SYNPO2: variants seen among roughly 807,000 people sequenced by gnomAD.
SYNPO2 encodes the protein synaptopodin-2.
A neutral mutation model predicts 85.0 loss-of-function variants in SYNPO2; 56 were observed. The ratio of observed to expected loss-of-function variants is 0.66; its 90% CI spans 0.53 to 0.82. The LOEUF is 0.82. Among genes scored for constraint, SYNPO2 ranks in the 40% least tolerant of loss-of-function variants. The pLI is 0.00. For synonymous variants in SYNPO2, 602 were observed against 591.1 expected (o/e 1.02, Z -0.27); for missense variants, 1,575 against 1,534.2 (o/e 1.03, Z -0.44).
At chr4:118,949,639 C>T (rs913658482) in intron 1 of SYNPO2, among the ~76,000 whole-genome samples, 84 of 151,628 alleles carry the variant, frequency 5.5e-4, no homozygotes, top group African/African-American at 1.9e-3. Context: ...ATCCCAGCTA[C>T]TCGGGAGGCT....
intron 3 of SYNPO2, 83 bp from the exon 4 acceptor site, chr4:119,029,762 A>G (rs1738131120): frequency 1.4e-6 from 2 of 1,419,866 alleles, no homozygotes; most frequent in Admixed American, 2.4e-5. Flanking sequence ...ATTTTCCCCC[A>G]GGAGAGTTCA....
intron 1 of SYNPO2, among the ~76,000 whole-genome samples, chr4:118,898,941 A>G (rs1341310328): frequency 6.6e-6 from 1 of 152,124 alleles, no homozygotes; most frequent in Non-Finnish European, 1.5e-5. Context: ...CCTTCCCTAA[A>G]ATGCTTGGAG....
intron 1 of SYNPO2, among the ~76,000 whole-genome samples, chr4:118,996,070 G>A (rs575515686): frequency 6.6e-6 from 1 of 152,006 alleles, no homozygotes; most frequent in Non-Finnish European, 1.5e-5. Context: ...TCCATTATGC[G>A]GCATACACAA....
chr4:118,930,916 T>TAA (rs1733909906), intron 1 of SYNPO2, among the ~76,000 whole-genome samples: 1 of 66,844 alleles, frequency 1.5e-5, no homozygotes, highest in African/African-American at 5.0e-5. Context: ...CTACCTTGCC[T>TAA]CAAAAAAAAA....
intron 1 of SYNPO2, among the ~76,000 whole-genome samples, chr4:118,937,685 A>G (rs1734154857): frequency 6.6e-6 from 1 of 152,182 alleles, no homozygotes; most frequent in East Asian, 1.9e-4. Context: ...TAAAGAAAAA[A>G]AAATATAACT....
intron 1 of SYNPO2, among the ~76,000 whole-genome samples, chr4:118,922,138 G>A (rs1733561044): frequency 6.6e-6 from 1 of 152,098 alleles, no homozygotes; most frequent in South Asian, 2.1e-4. Flanking sequence ...AGGCAAGCTT[G>A]CATAAAAAAT....
intron 1 of SYNPO2, among the ~76,000 whole-genome samples, chr4:118,982,036 C>T (rs1209367093): frequency 6.6e-6 from 1 of 152,046 alleles, no homozygotes; most frequent in Non-Finnish European, 1.5e-5. Context: ...AAATATGCAG[C>T]GTGGGTGTCA....
At chr4:119,036,523 C>T (rs1194870803) in intron 4 of SYNPO2, 1 of 985,294 alleles carries the variant, frequency 1.0e-6, no homozygotes, top group East Asian at 1.1e-4. Context: ...CCAAGGGCCA[C>T]AAAGCAGGCT....
intron 1 of SYNPO2, among the ~76,000 whole-genome samples, chr4:118,921,720 A>C (rs997469086): frequency 1.3e-5 from 2 of 151,970 alleles, no homozygotes; most frequent in African/African-American, 4.8e-5. Flanking sequence ...TTATCTTTCT[A>C]TTGCCACTTA....
chr4:119,027,189 A>C lies in SYNPO2; in HGVS notation c.820A>C (p.Ser274Arg). ...CAGAGAGTTGAGAGTGATCCAGGAA[A>C]GTGAAGCAGGAGATGCGGGACTGCC... ...SGRELRVIQE[S>R]EAGDAGLPRV... Residue 274 changes from serine to arginine, a missense_variant, in exon 3 of 5, where the codon AGT (serine) becomes CGT (arginine). Around this residue, in one of 3 missense-constraint regions of SYNPO2, gnomAD observed 1,508 missense variants for 1,446.8 expected, o/e 1.04. Transcript: ENST00000307142. 1.2e-6 allele frequency: 2 copies of C among 1,614,166 alleles called. No individual in the cohort carries two copies. The highest frequency in any genetic ancestry group is 1.7e-6 in the Non-Finnish European group (2 of 1,180,030).
At position 118,859,166 on chromosome 4, in the gene SYNPO2, A is replaced by G. The variant is rs921351410; in HGVS notation, c.12+8226A>G. On this transcript the variant is annotated intron_variant, in intron 1 of 4. Coordinates refer to the SYNPO2 transcript ENST00000610556. ...AGTATCAATGTGCTAAATCAACAGC[A>G]AATTTCCATACATCCTTTGTGTCGA... Among the ~76,000 whole-genome samples the G allele has an allele frequency of 7.2e-5, 11 of 152,352 alleles. No homozygotes were observed. The East Asian group carries it at 2.1e-3, about 29-fold the overall frequency.
intron 1 of SYNPO2, among the ~76,000 whole-genome samples, chr4:118,899,817 A>G (rs1379135804): frequency 2.0e-5 from 3 of 152,122 alleles, no homozygotes; most frequent in African/African-American, 7.2e-5. Context: ...CCTGGAGCGC[A>G]ATGGTGCCAT....
At chr4:119,050,042 TG>T (rs1316433915) in intron 4 of SYNPO2, among the ~76,000 whole-genome samples, 1 of 152,110 alleles carries the variant, frequency 6.6e-6, no homozygotes, top group Non-Finnish European at 1.5e-5. Context: ...AAAAAAAAGA[TG>T]TTCTCAGGCT....
chr4:118,997,258 T>G (rs1383973640), intron 1 of SYNPO2, among the ~76,000 whole-genome samples: 7 of 124,538 alleles, frequency 5.6e-5, no homozygotes, highest in Non-Finnish European at 6.9e-5. Context: ...AAAAAAAAAA[T>G]TAAAAGAAAA....
In SYNPO2 at chr4:118,864,249, T is replaced by G. The variant is rs192369826; in HGVS notation, c.12+13309T>G. The stretch of plus-strand genomic sequence containing the variant: ...AGGAGAGCATTGTTTAATTTCCATG[T>G]GTTTGTACAGTTTCTAAAATTCCTC... On this transcript the variant is annotated intron_variant, in intron 1 of 4. Transcript: ENST00000610556. 5.3e-4 allele frequency among the ~76,000 whole-genome samples: 81 copies of G among 152,352 alleles called. 1 individual carries two copies. In the East Asian group the frequency reaches 0.011, roughly 20 times the overall value.
intron 1 of SYNPO2, among the ~76,000 whole-genome samples, chr4:118,895,059 T>C (rs879729216): frequency 6.6e-6 from 1 of 152,188 alleles, no homozygotes; most frequent in Admixed American, 6.5e-5. Context: ...TGTCAACTCA[T>C]TCCATTATAA....
chr4:119,037,646 G>T, intron 4 of SYNPO2: 1 of 985,744 alleles, frequency 1.0e-6, no homozygotes, highest in Non-Finnish European at 1.2e-6. Flanking sequence ...GGAAAAGACA[G>T]GAGTTAATGT....
chr4:118,966,653 T>C lies in SYNPO2; in HGVS notation c.106-56777T>C, dbSNP rs532039043. On this transcript the variant is annotated intron_variant, in intron 1 of 4. Transcript: ENST00000307142. ...AGCTATGTATCATATATATAACATA[T>C]ATATACACACACATACTTCTGGGAT... 1.1e-4 allele frequency among the ~76,000 whole-genome samples: 16 copies of C among 152,246 alleles called. No homozygotes were observed. In the South Asian group the frequency reaches 2.5e-3, roughly 24 times the overall value.
chr4:119,054,411 G>A (rs558336717), intron 4 of SYNPO2, among the ~76,000 whole-genome samples: 6 of 152,248 alleles, frequency 3.9e-5, no homozygotes, highest in South Asian at 4.1e-4. Context: ...CTTGTCCGGC[G>A]TCCAGGAAGA....
Sources: gnomAD v4.1 joint callset for allele counts (sites outside exome capture counted in the v4.1 genomes callset) on GRCh38, gnomAD v4.1.1 for gene constraint, gnomAD v4.1.1 regional missense constraint, MANE v1.5 for transcripts, NCBI Gene and HGNC (gene_info 2026-07-23, HGNC 2026-07-21) for gene names.